Variants in CARF observed in about 807,000 individuals in gnomAD.
CARF encodes calcium-responsive transcription factor.
A neutral mutation model predicts 82.0 loss-of-function variants in CARF; 57 were observed. That is an observed-to-expected ratio of 0.70 (90% CI 0.56 to 0.87). The LOEUF is 0.87. CARF is among the 40% of genes least tolerant of loss of function. CARF has a pLI of 0.00. For synonymous variants in CARF, 268 were observed against 290.1 expected, an observed-to-expected ratio of 0.92 and a Z score of 0.77; for missense variants, 771 against 855.8, an observed-to-expected ratio of 0.90 and a Z score of 1.24.
intron 3 of CARF, among the ~76,000 whole-genome samples, chr2:202,926,140 C>T (rs1232806563): frequency 6.6e-6 from 1 of 152,134 alleles, no homozygotes; most frequent in East Asian, 1.9e-4. Context: ...CTCCTCTGGC[C>T]GACCAGAGCC....
chr2:202,922,899 A>G (rs1691095395), intron 2 of CARF, among the ~76,000 whole-genome samples: 2 of 152,168 alleles, frequency 1.3e-5, no homozygotes, highest in African/African-American at 2.4e-5. Context: ...TTGTTTACCT[A>G]GAAAACTCTA....
chr2:202,917,464 A>C (rs976189367), intron 1 of CARF, among the ~76,000 whole-genome samples: 3 of 152,106 alleles, frequency 2.0e-5, no homozygotes, highest in Non-Finnish European at 4.4e-5. Flanking sequence ...CTTAAGAAAT[A>C]AGCCTGTCAA....
intron 7 of CARF, 96 bp downstream of exon 7, chr2:202,954,230 C>G: frequency 1.5e-6 from 2 of 1,358,784 alleles, no homozygotes; most frequent in Non-Finnish European, 2.0e-6. Flanking sequence ...TAGAGAAAAT[C>G]AGAAGATAGA....
At chr2:202,969,014 G>C (rs2059665360) in intron 10 of CARF, among the ~76,000 whole-genome samples, 1 of 152,172 alleles carries the variant, frequency 6.6e-6, no homozygotes, top group Non-Finnish European at 1.5e-5. Flanking sequence ...TAGAGGCCAG[G>C]TGTGGTGGCT....
chr2:202,936,582 TG>T (rs1356602994), intron 3 of CARF, among the ~76,000 whole-genome samples: 3 of 152,208 alleles, frequency 2.0e-5, no homozygotes, highest in African/African-American at 7.2e-5. Flanking sequence ...GGATTTTGTT[TG>T]TTTGTTTGTT....
At chr2:202,950,464 A>T (rs1301964822) in intron 5 of CARF, among the ~76,000 whole-genome samples, 1 of 152,188 alleles carries the variant, frequency 6.6e-6, no homozygotes, top group Non-Finnish European at 1.5e-5. Context: ...ACAGATATTT[A>T]ATCTTATTAT....
intron 2 of CARF, among the ~76,000 whole-genome samples, chr2:202,921,327 A>T (rs1244198859): frequency 6.6e-6 from 1 of 152,090 alleles, no homozygotes; most frequent in Non-Finnish European, 1.5e-5. Flanking sequence ...ATTCCAGAAA[A>T]TTTTAGATCT....
At chr2:202,981,245 T>C (rs2060250304) in intron 14 of CARF, among the ~76,000 whole-genome samples, 1 of 152,044 alleles carries the variant, frequency 6.6e-6, no homozygotes, top group Non-Finnish European at 1.5e-5. Flanking sequence ...TCATAAGGAG[T>C]GTGCAACTTA....
intron 10 of CARF, among the ~76,000 whole-genome samples, chr2:202,967,814 C>T (rs2059615659): frequency 2.0e-5 from 3 of 152,092 alleles, no homozygotes; most frequent in Admixed American, 6.5e-5. Context: ...CTTTTTAGAG[C>T]GATTTTATCA....
intron 5 of CARF, among the ~76,000 whole-genome samples, chr2:202,945,560 A>G (rs2105817824): frequency 6.6e-6 from 1 of 152,186 alleles, no homozygotes; most frequent in African/African-American, 2.4e-5. Flanking sequence ...GAGAACATGC[A>G]GTATTTGGTT....
chr2:202,964,301 T>A (rs10932005), intron 9 of CARF, among the ~76,000 whole-genome samples: 135,723 of 151,956 alleles, frequency 0.89, 61,184 homozygotes, highest in Non-Finnish European at 0.95. Flanking sequence ...TTTTTTTGAG[T>A]CGGGGTCTCA....
At chr2:202,978,111 G>A (rs1006180240) in intron 14 of CARF, among the ~76,000 whole-genome samples, 7 of 152,202 alleles carry the variant, frequency 4.6e-5, no homozygotes, top group African/African-American at 1.7e-4. Context: ...CTCCCAAAGT[G>A]GTGGGATTAC....
At chr2:202,943,734 G>T (rs577332939) in intron 5 of CARF, among the ~76,000 whole-genome samples, 1 of 150,336 alleles carries the variant, frequency 6.7e-6, no homozygotes, top group East Asian at 2.0e-4. Flanking sequence ...TGCAACCTCC[G>T]CCTCCCGGGT....
intron 2 of CARF, among the ~76,000 whole-genome samples, chr2:202,920,056 A>G (rs1249755311): frequency 6.6e-6 from 1 of 152,232 alleles, no homozygotes; most frequent in Non-Finnish European, 1.5e-5. Flanking sequence ...CCTATATCAC[A>G]GAATAGTAGA....
Position 202,987,493 on chromosome 2 carries a change from G to A in CARF, c.*3869G>A, listed in dbSNP as rs1249370056. Reference sequence around the variant, plus strand: ...CATCAAACATCTTAAATGATACACTGTTTTAATATCTAAAAATCTGTCATT... The same window carrying A: ...CATCAAACATCTTAAATGATACACTATTTTAATATCTAAAAATCTGTCATT... On this transcript the variant is annotated 3_prime_UTR_variant, in exon 17 of 17. Coordinates refer to ENST00000438828, the MANE Select transcript of CARF (RefSeq NM_024744.17). Among the ~76,000 whole-genome samples the A allele has an allele frequency of 6.6e-6, 1 of 152,018 alleles. No homozygotes were observed. Among genetic ancestry groups the A allele is most frequent in the Admixed American group, 6.6e-5 (1 of 15,240 alleles).
chr2:202,915,044 GTC>G (rs1303113044), intron 1 of CARF, among the ~76,000 whole-genome samples: 1 of 151,668 alleles, frequency 6.6e-6, no homozygotes, highest in African/African-American at 2.4e-5. Flanking sequence ...TTTTTTCAGA[GTC>G]TCCCTCTGTC....
chr2:202,980,280 T>G (rs1298597427), intron 14 of CARF, among the ~76,000 whole-genome samples: 2 of 152,082 alleles, frequency 1.3e-5, no homozygotes, highest in African/African-American at 4.8e-5. Flanking sequence ...TTCACTGACT[T>G]AAAGAGATGA....
chr2:202,983,502 A>C lies in CARF; in HGVS notation c.2060-4A>C. ...TTTTAGGATTTTTCTGTTTGTTTTT[A>C]AAGTTGAAGAAAATCCAGAAAGTAC... On this transcript the variant is annotated splice_region_variant and splice_polypyrimidine_tract_variant and intron_variant, in intron 16 of 16. Coordinates refer to ENST00000438828, the MANE Select transcript of CARF (RefSeq NM_024744.17). 6.4e-7 allele frequency: 1 copy of C among 1,557,818 alleles called. No individual in the cohort carries two copies. The highest frequency in any genetic ancestry group is 8.8e-7 in the Non-Finnish European group (1 of 1,140,656).
intron 5 of CARF, among the ~76,000 whole-genome samples, chr2:202,947,478 G>C (rs542854850): frequency 6.6e-6 from 1 of 152,064 alleles, no homozygotes; most frequent in Non-Finnish European, 1.5e-5. Flanking sequence ...GCCTGTCGGG[G>C]GGGTAGGGGG....
Sources: gnomAD v4.1 joint callset for allele counts (sites outside exome capture counted in the v4.1 genomes callset) on GRCh38, gnomAD v4.1.1 for gene constraint, MANE v1.5 for transcripts, NCBI Gene and HGNC (gene_info 2026-07-23, HGNC 2026-07-21) for gene names.